CEACAM19: variants seen among roughly 807,000 people sequenced by gnomAD.
CEACAM19 encodes cell adhesion molecule CEACAM19.
CEACAM19 carries 37 observed loss-of-function variants against 37.6 expected under a neutral mutation model. The observed-to-expected ratio is 0.98, with a 90% CI of 0.76 to 1.29. The LOEUF (loss-of-function observed/expected upper bound fraction) is 1.29, where lower values mean the gene tolerates loss of function less well. Ranked by LOEUF, CEACAM19 falls within the 50% of genes most tolerant of loss-of-function variation. The pLI, the probability that CEACAM19 is intolerant of heterozygous loss-of-function variation, is 0.00. For synonymous variants in CEACAM19, 140 were observed against 149.8 expected (o/e 0.93, Z 0.48); for missense variants, 340 against 375.6 (o/e 0.91, Z 0.78).
chr19:44,672,636 A>G lies in CEACAM19; in HGVS notation c.96A>G (p.Ala32=), dbSNP rs1165172544. 2.0e-6 allele frequency: 3 copies of G among 1,494,412 alleles called. No individual in the cohort carries two copies. The highest frequency in any genetic ancestry group is 2.7e-6 in the Non-Finnish European group (3 of 1,120,790). 92.6% of individuals were successfully genotyped at this position (1,494,412 alleles called of 1,614,324 possible). A position where few individuals can be genotyped will look rare whatever the true frequency, so the allele number is the denominator to read the frequency against. ...TCTGGATGCTCCAAGGCTCCCAGGCAGCTCTCTACATCCAGAAGATTCCAG... is the reference window on the plus strand; with the variant it reads ...TCTGGATGCTCCAAGGCTCCCAGGCGGCTCTCTACATCCAGAAGATTCCAG... The part of the protein sequence containing the change: ...LVLWMLQGSQ[A]ALYIQKIPEQ... The change falls in exon 2 of 8, where the codon GCA becomes GCG. Residue 32 remains alanine (A), a synonymous_variant. Transcript: ENST00000358777.
At chr19:44,679,073 G>A in intron 4 of CEACAM19, 137 bp downstream of exon 4, 1 of 1,315,682 alleles carries the variant, frequency 7.6e-7, no homozygotes, top group Non-Finnish European at 1.0e-6. Context: ...GCTCACCGTA[G>A]CCTCGACCTC....
upstream of CEACAM19, among the ~76,000 whole-genome samples, chr19:44,668,475 AATATATATATT>A (rs1338754570): frequency 2.0e-3 from 124 of 62,844 alleles, 3 homozygotes; most frequent in African/African-American, 9.2e-3. Context: ...TATATAATAT[AATATATATATT>A]ATATATATTA....
At chr19:44,668,129 T>TTTATATAATATA (rs1377026980), upstream of CEACAM19, among the ~76,000 whole-genome samples, 3,711 of 85,188 alleles carry the variant, frequency 0.044, 252 homozygotes, top group African/African-American at 0.13. Context: ...GTTATATATT[T>TTTATATAATATA]TTATATAATA....
upstream of CEACAM19, among the ~76,000 whole-genome samples, chr19:44,667,643 ATATAT>A (rs1266001263): frequency 3.3e-4 from 32 of 96,618 alleles, no homozygotes; most frequent in Non-Finnish European, 5.5e-4. Flanking sequence ...AATATATAAT[ATATAT>A]TATATAGATA....
At chr19:44,679,066 C>A in intron 4 of CEACAM19, 130 bp downstream of exon 4, 1 of 1,386,848 alleles carries the variant, frequency 7.2e-7, no homozygotes, top group Non-Finnish European at 9.7e-7. Flanking sequence ...GATCGTAGCT[C>A]ACCGTAGCCT....
At chr19:44,670,229 G>A (rs568434981), upstream of CEACAM19, among the ~76,000 whole-genome samples, 57 of 151,670 alleles carry the variant, frequency 3.8e-4, no homozygotes, top group Admixed American at 2.1e-3. Flanking sequence ...AGGCTGAGAC[G>A]GGAGGATTGC....
intron 6 of CEACAM19, 69 bp from the exon 7 acceptor site, chr19:44,682,498 G>T: frequency 6.8e-7 from 1 of 1,474,534 alleles, no homozygotes; most frequent in Non-Finnish European, 9.3e-7. Flanking sequence ...GACTGTCCTA[G>T]CACCAAAGGT....
At chr19:44,667,733 T>C (rs865952721), upstream of CEACAM19, among the ~76,000 whole-genome samples, 2 of 67,562 alleles carry the variant, frequency 3.0e-5, no homozygotes, top group African/African-American at 1.7e-4. Context: ...TATATATTTA[T>C]ATATATAATA....
At chr19:44,669,223 A>G (rs757316082), upstream of CEACAM19, among the ~76,000 whole-genome samples, 3 of 152,034 alleles carry the variant, frequency 2.0e-5, no homozygotes, top group Non-Finnish European at 4.4e-5. Context: ...AGGTTCAACA[A>G]TCCTCCTGCC....
upstream of CEACAM19, chr19:44,667,354 G>C (rs1973731181): frequency 1.3e-5 from 2 of 150,900 alleles, no homozygotes; most frequent in African/African-American, 4.9e-5. Flanking sequence ...AAGTTTCTGA[G>C]ATGATGATGA....
chr19:44,679,235 C>G (rs1052804894), intron 4 of CEACAM19, among the ~76,000 whole-genome samples: 2 of 152,166 alleles, frequency 1.3e-5, no homozygotes, highest in Non-Finnish European at 2.9e-5. Context: ...TCAAAAAAGT[C>G]TCCTACCTTG....
chr19:44,667,696 A>ATATATATTATATAAATATATATAAAT (rs1973746232), upstream of CEACAM19, among the ~76,000 whole-genome samples: 3 of 82,052 alleles, frequency 3.7e-5, no homozygotes, highest in South Asian at 3.0e-4. Context: ...TAAATATATA[A>ATATATATTATATAAATATATATAAAT]TATATATTAT....
chr19:44,680,245 G>C, intron 4 of CEACAM19, 43 bp from the exon 5 acceptor site: 1 of 1,539,564 alleles, frequency 6.5e-7, no homozygotes, highest in Non-Finnish European at 8.9e-7. Context: ...CCCCGCCTGA[G>C]TGTCTCTCTA....
chr19:44,678,603 G>T (rs994665034), intron 3 of CEACAM19: 6 of 323,408 alleles, frequency 1.9e-5, no homozygotes, highest in Non-Finnish European at 3.4e-5. Context: ...TAGAGACGGG[G>T]TTTCACCATG....
chr19:44,673,757 A>T (rs965751417), intron 2 of CEACAM19: 1 of 152,202 alleles, frequency 6.6e-6, no homozygotes, highest in Admixed American at 6.5e-5. Flanking sequence ...CTGAGTAAAG[A>T]ATACGAACCA....
chr19:44,675,097 C>CGTGTGTGTGTGTGTGT (rs59147604), intron 2 of CEACAM19, among the ~76,000 whole-genome samples: 19 of 143,800 alleles, frequency 1.3e-4, no homozygotes, highest in African/African-American at 4.4e-4. Context: ...CAGAGAACAG[C>CGTGTGTGTGTGTGTGT]GTGTGTGTGT....
intron 4 of CEACAM19, 27 bp downstream of exon 4, chr19:44,678,963 T>C (rs1438810758): frequency 1.9e-6 from 3 of 1,611,982 alleles, no homozygotes; most frequent in Middle Eastern, 1.7e-4. Flanking sequence ...ACTTATTTAG[T>C]GAACTAACAA....
chr19:44,681,906 C>T (rs908592278), intron 6 of CEACAM19, among the ~76,000 whole-genome samples: 6 of 150,190 alleles, frequency 4.0e-5, no homozygotes, highest in Non-Finnish European at 5.9e-5. Flanking sequence ...CTCCAGCCTG[C>T]ACGACAGGAG....
At chr19:44,678,776 T>A in intron 3 of CEACAM19, 77 bp from the exon 4 acceptor site, 3 of 1,528,324 alleles carry the variant, frequency 2.0e-6, no homozygotes, top group East Asian at 2.4e-5. Context: ...TTTTCCTTCA[T>A]AGGGAAGGAT....
Sources: allele counts gnomAD v4.1 joint callset (sites outside exome capture counted in the v4.1 genomes callset), GRCh38; gene constraint gnomAD v4.1.1; transcripts MANE v1.5; gene names NCBI Gene and HGNC (gene_info 2026-07-23, HGNC 2026-07-21).